WDPCP: variants seen among roughly 807,000 people sequenced by gnomAD.
The protein encoded by WDPCP is WD repeat-containing and planar cell polarity effector protein fritz homolog.
Under a neutral mutation model 93.1 loss-of-function variants are expected in WDPCP, and 71 were observed. The observed-to-expected ratio is 0.76, with a 90% CI of 0.63 to 0.93. The LOEUF (loss-of-function observed/expected upper bound fraction) is 0.93. Among genes scored for constraint, WDPCP ranks in the 40% least tolerant of loss-of-function variants. The pLI is 0.00. For synonymous variants in WDPCP, 315 were observed against 315.0 expected (o/e 1.00, Z 0.00); for missense variants, 844 against 887.4 (o/e 0.95, Z 0.62).
intron 12 of WDPCP, among the ~76,000 whole-genome samples, chr2:63,355,064 C>A (rs1689912537): frequency 2.0e-5 from 3 of 152,128 alleles, no homozygotes; most frequent in Admixed American, 6.5e-5. Context: ...GCTAGAGGGG[C>A]CAACAGTCAA....
intron 2 of WDPCP, among the ~76,000 whole-genome samples, chr2:63,767,087 T>C (rs1014852676): frequency 1.1e-4 from 16 of 152,158 alleles, no homozygotes. Flanking sequence ...TTCATACAAA[T>C]GGAGTTATAA....
At chr2:63,134,004 A>T (rs1163258551) in intron 17 of WDPCP, among the ~76,000 whole-genome samples, 2 of 152,152 alleles carry the variant, frequency 1.3e-5, no homozygotes, top group Non-Finnish European at 2.9e-5. Context: ...TTTAATGTTT[A>T]TTAAGGAGAA....
the WDPCP span, among the ~76,000 whole-genome samples, chr2:63,838,175 T>C: frequency 6.6e-6 from 1 of 152,156 alleles, no homozygotes; most frequent in African/African-American, 2.4e-5. Context: ...GGTCATTCAA[T>C]ATATACTTAT....
At chr2:63,765,212 G>C (rs768342754) in intron 2 of WDPCP, among the ~76,000 whole-genome samples, 1 of 152,204 alleles carries the variant, frequency 6.6e-6, no homozygotes, top group South Asian at 2.1e-4. Flanking sequence ...CTCTAACCCA[G>C]TCTGGAAAGA....
intron 1 of WDPCP, among the ~76,000 whole-genome samples, chr2:63,539,146 T>C (rs944570778): frequency 1.3e-5 from 2 of 152,196 alleles, no homozygotes; most frequent in African/African-American, 2.4e-5. Flanking sequence ...AGTGAAACTT[T>C]CCCCAATATG....
chr2:63,523,916 A>T (rs975838704), intron 1 of WDPCP, among the ~76,000 whole-genome samples: 1 of 152,146 alleles, frequency 6.6e-6, no homozygotes, highest in African/African-American at 2.4e-5. Context: ...TGTCTCAAAA[A>T]AATAAAAATA....
chr2:63,352,993 T>G (rs1250596240), intron 12 of WDPCP, among the ~76,000 whole-genome samples: 2 of 151,604 alleles, frequency 1.3e-5, no homozygotes, highest in African/African-American at 4.9e-5. Flanking sequence ...GGTTGTATAC[T>G]CACATTGGGA....
At chr2:63,605,929 T>C (rs199816144) in intron 3 of WDPCP, 98 of 1,610,172 alleles carry the variant, frequency 6.1e-5, no homozygotes, top group Middle Eastern at 1.6e-4. Flanking sequence ...TGAAACATTG[T>C]TATTTTCAGG....
At chr2:63,688,837 G>C (rs1490029908) in intron 2 of WDPCP, among the ~76,000 whole-genome samples, 4 of 152,108 alleles carry the variant, frequency 2.6e-5, no homozygotes, top group African/African-American at 9.7e-5. Context: ...GTTGGGAAGT[G>C]GGGCCTTTAA....
At chr2:63,511,434 A>G (rs1235029805) in intron 1 of WDPCP, among the ~76,000 whole-genome samples, 1 of 152,200 alleles carries the variant, frequency 6.6e-6, no homozygotes, top group Non-Finnish European at 1.5e-5. Flanking sequence ...GAGCCCGTAG[A>G]GCCAAGACAA....
At position 63,594,497 on chromosome 2, in the gene WDPCP, A is replaced by C; in HGVS notation, n.488+56162T>G. On this transcript the variant is annotated intron_variant and non_coding_transcript_variant, in intron 3 of 4. Coordinates refer to the WDPCP transcript ENST00000467687. ...GTCTTTTTCATTACAGTCTGAACCAATCAGAGTCCTTGTGACTGGAGCAGC... is the reference window on the plus strand; with the variant it reads ...GTCTTTTTCATTACAGTCTGAACCACTCAGAGTCCTTGTGACTGGAGCAGC... The C allele has an allele frequency of 2.5e-6, 4 of 1,612,822 alleles. No homozygotes were observed. In the South Asian group the frequency reaches 4.4e-5, roughly 18 times the overall value.
Position 63,510,662 on chromosome 2 carries a change from T to C in WDPCP, c.76-17722A>G, listed in dbSNP as rs368155667. ...AAATTATCTCTGTTTGCAGATGACATGATTGTATATTTAGAAAACCCCATC... is the reference window on the plus strand; with the variant it reads ...AAATTATCTCTGTTTGCAGATGACACGATTGTATATTTAGAAAACCCCATC... On this transcript the variant is annotated intron_variant, in intron 1 of 17. Transcript: ENST00000272321. 8.5e-5 allele frequency among the ~76,000 whole-genome samples: 13 copies of C among 152,286 alleles called. No individual in the cohort carries two copies. The South Asian group carries it at 2.7e-3, about 32-fold the overall frequency.
chr2:63,530,763 C>T (rs1055307665), intron 1 of WDPCP, among the ~76,000 whole-genome samples: 11 of 152,190 alleles, frequency 7.2e-5, no homozygotes, highest in African/African-American at 2.7e-4. Flanking sequence ...CAGGCTACAG[C>T]TCCCAGCATG....
intron 2 of WDPCP, among the ~76,000 whole-genome samples, chr2:63,490,895 T>A (rs1392594212): frequency 6.6e-6 from 1 of 152,124 alleles, no homozygotes; most frequent in African/African-American, 2.4e-5. Flanking sequence ...TGTCAAGTGA[T>A]TAAAAGGTTG....
intron 3 of WDPCP, among the ~76,000 whole-genome samples, chr2:63,635,267 T>C (rs1254505682): frequency 2.6e-5 from 4 of 152,082 alleles, no homozygotes; most frequent in Non-Finnish European, 4.4e-5. Flanking sequence ...GAACAGTAGC[T>C]TTACTGGCAA....
chr2:63,529,886 T>G (rs961976829), intron 1 of WDPCP, among the ~76,000 whole-genome samples: 3 of 152,230 alleles, frequency 2.0e-5, no homozygotes, highest in Admixed American at 2.0e-4. Context: ...ACCCTGTTAT[T>G]GGTCTATTCA....
At chr2:63,791,346 C>G (rs1159620701) in intron 2 of WDPCP, among the ~76,000 whole-genome samples, 1 of 152,182 alleles carries the variant, frequency 6.6e-6, no homozygotes, top group African/African-American at 2.4e-5. Flanking sequence ...GCTCCAATCT[C>G]CGTTCCTTAC....
chr2:63,265,329 A>G (rs1440309412), intron 13 of WDPCP, among the ~76,000 whole-genome samples: 1 of 152,152 alleles, frequency 6.6e-6, no homozygotes, highest in Non-Finnish European at 1.5e-5. Context: ...ATCAGAAATG[A>G]AAGAGGAGAC....
At chr2:63,248,235 T>C (rs901441437) in intron 14 of WDPCP, among the ~76,000 whole-genome samples, 2 of 152,322 alleles carry the variant, frequency 1.3e-5, no homozygotes, top group Admixed American at 6.5e-5. Context: ...CCTGGACATA[T>C]AATTCTTGGT....
Sources: allele counts gnomAD v4.1 joint callset (sites outside exome capture counted in the v4.1 genomes callset), GRCh38; gene constraint gnomAD v4.1.1; transcripts MANE v1.5; gene names NCBI Gene and HGNC (gene_info 2026-07-23, HGNC 2026-07-21).